AIPL1: variants seen among roughly 807,000 people sequenced by gnomAD.
AIPL1 encodes AIP like 1 HSP90 co-chaperone, also known as aryl-hydrocarbon-interacting protein-like 1.
In AIPL1, 23 loss-of-function variants were observed where a neutral mutation model predicts 32.9. The ratio of observed to expected loss-of-function variants is 0.70; its 90% CI spans 0.50 to 0.99. The LOEUF (loss-of-function observed/expected upper bound fraction) is 0.99, where lower values mean the gene tolerates loss of function less well. Ranked by LOEUF, AIPL1 falls within the 50% of genes least tolerant of loss-of-function variation. The probability of loss-of-function intolerance (pLI) is 0.00; values close to 1 mark genes in which losing one functional copy is unlikely to be tolerated. For synonymous variants in AIPL1, 210 were observed against 209.4 expected (o/e 1.00, Z -0.02); for missense variants, 485 against 506.0 (o/e 0.96, Z 0.40).
chr17:6,429,298 C>G (rs532168020), intron 2 of AIPL1, among the ~76,000 whole-genome samples: 44 of 152,298 alleles, frequency 2.9e-4, no homozygotes, highest in Admixed American at 7.8e-4. Flanking sequence ...CTGAGATGAC[C>G]CAGCACTGGC....
At chr17:6,432,977 C>T (rs1327490665) in intron 2 of AIPL1, among the ~76,000 whole-genome samples, 2 of 152,134 alleles carry the variant, frequency 1.3e-5, no homozygotes, top group Non-Finnish European at 2.9e-5. Context: ...GGTTTAACCA[C>T]GCAGGACAAG....
chr17:6,425,803 G>C lies in AIPL1; in HGVS notation c.812C>G (p.Ala271Gly), dbSNP rs762906278. ...ATTCCACACCTCTGCGTGAGCCCGG[G>C]CACGCACGTAGTAGGCCTTCACGAT... Reference protein sequence around the residue: ...PGIVKAYYVRARAHAEVWNEA... With the variant: ...PGIVKAYYVRGRAHAEVWNEA... Residue 271 changes from alanine (A) to glycine (G), a missense_variant, in exon 6 of 6, where the codon GCC becomes GGC. Physicochemically the swap from Ala to Gly is moderately conservative, Grantham distance 60. Transcript: ENST00000381129. 1 of 1,605,222 alleles carries C rather than the reference G, an allele frequency of 6.2e-7. No individual in the cohort carries two copies. The highest frequency in any genetic ancestry group is 1.7e-5 in the Admixed American group (1 of 60,010).
At chr17:6,427,115 G>C (rs1269451928) in intron 3 of AIPL1, 58 bp from the exon 4 acceptor site, 1 of 1,599,470 alleles carries the variant, frequency 6.3e-7, no homozygotes, top group Non-Finnish European at 8.5e-7. Context: ...CACCCCATCA[G>C]AGACCCGAAA....
chr17:6,433,821 T>C, intron 2 of AIPL1, 98 bp downstream of exon 2: 1 of 1,450,998 alleles, frequency 6.9e-7, no homozygotes, highest in Non-Finnish European at 9.5e-7. Flanking sequence ...AAGCTTCGCT[T>C]GAGTCCCAGC....
chr17:6,433,837 C>T (rs144848948), intron 2 of AIPL1, 82 bp downstream of exon 2: 156 of 1,528,376 alleles, frequency 1.0e-4, no homozygotes, highest in Non-Finnish European at 1.3e-4. Context: ...CCAGCTTTCC[C>T]GAAACACAGC....
At position 6,428,305 on chromosome 17, in the gene AIPL1, A is replaced by T. The variant is rs375300063; in HGVS notation, c.465+13T>A. 11 of 1,604,938 alleles carry T rather than the reference A, an allele frequency of 6.9e-6. No individual in the cohort carries two copies. The highest frequency in any genetic ancestry group is 3.3e-4 in the Middle Eastern group (2 of 6,076). Reference sequence around the variant, plus strand: ...CTGGCACAGCCCTCCAGCCCTGCCAACCCCAGCCCCACCTGCAGCAGCTCG... The same window carrying T: ...CTGGCACAGCCCTCCAGCCCTGCCATCCCCAGCCCCACCTGCAGCAGCTCG... On this transcript the variant is annotated intron_variant, in intron 3 of 5. Coordinates refer to ENST00000381129, the MANE Select transcript of AIPL1 (RefSeq NM_014336.5).
intron 3 of AIPL1, among the ~76,000 whole-genome samples, chr17:6,427,673 A>G (rs1056473424): frequency 2.6e-5 from 4 of 152,126 alleles, no homozygotes; most frequent in Non-Finnish European, 4.4e-5. Context: ...GCCACTAGAG[A>G]ACCAAGTCTG....
chr17:6,432,247 G>A (rs943408690), intron 2 of AIPL1, among the ~76,000 whole-genome samples: 1 of 152,032 alleles, frequency 6.6e-6, no homozygotes, highest in Non-Finnish European at 1.5e-5. Flanking sequence ...CCCAGGCGTG[G>A]TGGCGGGCAC....
chr17:6,425,379 G>C lies in AIPL1; in HGVS notation c.*81C>G. 7.1e-7 allele frequency: 1 copy of C among 1,414,360 alleles called. No individual in the cohort carries two copies. 87.6% of individuals were successfully genotyped at this position (1,414,360 alleles called of 1,614,324 possible). On this transcript the variant is annotated 3_prime_UTR_variant, in exon 6 of 6. Coordinates refer to ENST00000381129, the MANE Select transcript of AIPL1 (RefSeq NM_014336.5). ...AAATTAATTTTAAATTTTAAAAAGT[G>C]ACACCACGATCCTGGTCAATCGAAC... is the stretch of plus-strand genomic sequence containing the variant.
At position 6,425,307 on chromosome 17, in the gene AIPL1, G is replaced by GTTTT. The variant is rs77115868; in HGVS notation, c.*149_*152dup. 2.0e-4 allele frequency: 146 copies of GTTTT among 745,634 alleles called. No homozygotes were observed. Among genetic ancestry groups the GTTTT allele is most frequent in the African/African-American group, 1.7e-3 (89 of 51,948 alleles). The allele number at this position is 745,634 out of a possible 1,614,324, so 46.2% of individuals were successfully genotyped here. A position where few individuals can be genotyped will look rare whatever the true frequency, so the allele number is the denominator to read the frequency against. ...TAAGCTCTTCTGTACCCTTGGGATT[G>GTTTT]TTTTTTTTTTTTTTTTTACCATGGG... On this transcript the variant is annotated 3_prime_UTR_variant, in exon 6 of 6. Transcript: ENST00000381129.
chr17:6,426,806 G>T, intron 4 of AIPL1, 50 bp from the exon 5 acceptor site: 1 of 1,607,088 alleles, frequency 6.2e-7, no homozygotes, highest in Non-Finnish European at 8.5e-7. Context: ...CCCAACCCCC[G>T]CCCCACCCTG....
chr17:6,426,800 AC>A (rs750187553), intron 4 of AIPL1, 44 bp from the exon 5 acceptor site: 9 of 1,612,112 alleles, frequency 5.6e-6, no homozygotes, highest in Non-Finnish European at 5.9e-6. Flanking sequence ...CAGCTGCCCA[AC>A]CCCCGCCCCA....
intron 2 of AIPL1, among the ~76,000 whole-genome samples, chr17:6,431,644 T>C (rs1242078321): frequency 6.6e-6 from 1 of 152,152 alleles, no homozygotes; most frequent in African/African-American, 2.4e-5. Context: ...ACACAACTAA[T>C]GAAAGACAGA....
At chr17:6,434,237 G>A (rs1475808842) in intron 1 of AIPL1, 139 bp from the exon 2 acceptor site, 5 of 976,510 alleles carry the variant, frequency 5.1e-6, no homozygotes, top group South Asian at 1.4e-5. Flanking sequence ...CAGACCCCTG[G>A]AGCACCTCCA....
chr17:6,430,962 G>T (rs1487921240), intron 2 of AIPL1, among the ~76,000 whole-genome samples: 1 of 151,448 alleles, frequency 6.6e-6, no homozygotes, highest in African/African-American at 2.5e-5. Flanking sequence ...CATGTTGAGT[G>T]GGATCACCTA....
At chr17:6,428,268 C>T in intron 3 of AIPL1, 50 bp downstream of exon 3, 1 of 1,594,958 alleles carries the variant, frequency 6.3e-7, no homozygotes, top group Non-Finnish European at 8.5e-7. Flanking sequence ...TGCCCGCTGT[C>T]CCTCTCCAGT....
At chr17:6,431,151 C>CA (rs1912564201) in intron 2 of AIPL1, among the ~76,000 whole-genome samples, 1 of 152,160 alleles carries the variant, frequency 6.6e-6, no homozygotes, top group Non-Finnish European at 1.5e-5. Context: ...AAGTTAATCT[C>CA]AAATTTTTTC....
intron 3 of AIPL1, among the ~76,000 whole-genome samples, chr17:6,427,660 C>T (rs1186898766): frequency 6.6e-6 from 1 of 152,108 alleles, no homozygotes; most frequent in African/African-American, 2.4e-5. Flanking sequence ...TGCAGCCTCT[C>T]CCGCCACTAG....
In AIPL1 at chr17:6,435,018, G is replaced by C; in HGVS notation, c.87C>G (p.Thr29=). The C allele has an allele frequency of 6.2e-7, 1 of 1,614,170 alleles. No individual in the cohort carries two copies. Among genetic ancestry groups the C allele is most frequent in the Non-Finnish European group, 8.5e-7 (1 of 1,180,022 alleles). The part of the protein sequence containing the change: ...GGTGELPNFI[T]GSRVIFHFRT... ...GAGGGGCCCCACTCACTCGGGATCC[G>C]GTGATGAAGTTTGGGAGCTCGCCCG... is the stretch of plus-strand genomic sequence containing the variant. The change falls in exon 1 of 6, where the codon ACC becomes ACG. Residue 29 remains threonine, a synonymous_variant. Transcript: ENST00000381129.
Sources: gnomAD v4.1 joint callset for allele counts (sites outside exome capture counted in the v4.1 genomes callset) on GRCh38, gnomAD v4.1.1 for gene constraint, MANE v1.5 for transcripts, NCBI Gene and HGNC (gene_info 2026-07-23, HGNC 2026-07-21) for gene names.